KCTD8: variants seen among roughly 807,000 people sequenced by gnomAD.
The protein encoded by KCTD8 is BTB/POZ domain-containing protein KCTD8.
In KCTD8, 27 loss-of-function variants were observed where a neutral mutation model predicts 31.5. That is an observed-to-expected ratio of 0.86 (90% confidence interval 0.63 to 1.18). The LOEUF (loss-of-function observed/expected upper bound fraction) is 1.18. Ranked by LOEUF, KCTD8 falls within the 50% of genes most tolerant of loss-of-function variation. The pLI, the probability that KCTD8 is intolerant of heterozygous loss-of-function variation, is 0.00. For synonymous variants in KCTD8, 290 were observed against 280.0 expected, an observed-to-expected ratio of 1.04 and a Z score of -0.36; for missense variants, 658 against 647.7, an observed-to-expected ratio of 1.02 and a Z score of -0.17.
intron 1 of KCTD8, among the ~76,000 whole-genome samples, chr4:44,231,740 T>C (rs1052126996): frequency 6.6e-6 from 1 of 152,166 alleles, no homozygotes. Context: ...CAAGCTCCTA[T>C]GAAGAAATTT....
chr4:44,304,868 G>T (rs1171049798), intron 1 of KCTD8, among the ~76,000 whole-genome samples: 1 of 151,852 alleles, frequency 6.6e-6, no homozygotes, highest in Non-Finnish European at 1.5e-5. Flanking sequence ...CCTGCCTGCA[G>T]TCCTAGCAGG....
intron 1 of KCTD8, among the ~76,000 whole-genome samples, chr4:44,426,198 T>C (rs1577667266): frequency 6.6e-6 from 1 of 150,560 alleles, no homozygotes; most frequent in South Asian, 2.1e-4. Context: ...AGAAAAAGGG[T>C]TAGAAAAAAA....
Position 44,174,542 on chromosome 4 carries a change from T to C in KCTD8, c.*248A>G. 2.7e-6 allele frequency: 1 copy of C among 370,208 alleles called. No homozygotes were observed. The highest frequency in any genetic ancestry group is 7.9e-5 in the South Asian group (1 of 12,598). The allele number at this position is 370,208 out of a possible 1,614,324, so 22.9% of individuals were successfully genotyped here. ...ATCATGCACATTTTACTTTCATTCT[T>C]GTAAAATGGTTTGAATCAGATATTC... On this transcript the variant is annotated 3_prime_UTR_variant, in exon 2 of 2. Coordinates refer to ENST00000360029, the MANE Select transcript of KCTD8 (RefSeq NM_198353.3).
chr4:44,405,913 G>A (rs1336912425), intron 1 of KCTD8, among the ~76,000 whole-genome samples: 2 of 151,626 alleles, frequency 1.3e-5, no homozygotes, highest in African/African-American at 4.9e-5. Context: ...TTAGTTTCAG[G>A]GAACTAACAA....
chr4:44,382,049 C>G (rs1720078675), intron 1 of KCTD8, among the ~76,000 whole-genome samples: 1 of 151,626 alleles, frequency 6.6e-6, no homozygotes, highest in Non-Finnish European at 1.5e-5. Flanking sequence ...ATATAGGTAC[C>G]CCGAACAGGA....
At chr4:44,355,675 C>T (rs527789894) in intron 1 of KCTD8, among the ~76,000 whole-genome samples, 1 of 152,038 alleles carries the variant, frequency 6.6e-6, no homozygotes, top group Non-Finnish European at 1.5e-5. Flanking sequence ...TTCTGTGTAG[C>T]GTATTTAGAT....
intron 1 of KCTD8, among the ~76,000 whole-genome samples, chr4:44,412,450 T>C (rs1285443432): frequency 1.3e-5 from 2 of 152,192 alleles, no homozygotes; most frequent in East Asian, 3.8e-4. Flanking sequence ...AAGAATAGTT[T>C]GTTGGAATAT....
At chr4:44,276,532 A>G (rs561073478) in intron 1 of KCTD8, among the ~76,000 whole-genome samples, 8 of 152,054 alleles carry the variant, frequency 5.3e-5, no homozygotes, top group Admixed American at 1.3e-4. Context: ...TTTAGTCTAA[A>G]CAGTAGATTC....
intron 1 of KCTD8, among the ~76,000 whole-genome samples, chr4:44,290,642 T>C (rs1442578789): frequency 6.6e-6 from 1 of 151,916 alleles, no homozygotes; most frequent in Non-Finnish European, 1.5e-5. Context: ...AAAATAGAAA[T>C]CTATACCAAG....
chr4:44,295,499 A>C (rs1001752540), intron 1 of KCTD8, among the ~76,000 whole-genome samples: 1 of 148,016 alleles, frequency 6.8e-6, no homozygotes, highest in African/African-American at 2.5e-5. Context: ...GAGGGAAAGC[A>C]AAGAAAAAAA....
intron 1 of KCTD8, among the ~76,000 whole-genome samples, chr4:44,442,869 T>C (rs1721849047): frequency 6.6e-6 from 1 of 151,940 alleles, no homozygotes; most frequent in Admixed American, 6.6e-5. Flanking sequence ...AGCCACTCAG[T>C]TTTTCAGCTT....
At chr4:44,445,430 T>A (rs1442277480) in intron 1 of KCTD8, among the ~76,000 whole-genome samples, 1 of 152,178 alleles carries the variant, frequency 6.6e-6, no homozygotes, top group African/African-American at 2.4e-5. Flanking sequence ...ATTAATAATA[T>A]GAGTACTCTG....
intron 1 of KCTD8, among the ~76,000 whole-genome samples, chr4:44,376,935 C>T (rs1719928550): frequency 6.6e-6 from 1 of 152,142 alleles, no homozygotes; most frequent in Non-Finnish European, 1.5e-5. Context: ...TGGTTGAGTA[C>T]ATGGGATGAC....
intron 1 of KCTD8, among the ~76,000 whole-genome samples, chr4:44,287,878 T>C (rs1717148411): frequency 6.6e-6 from 1 of 152,204 alleles, no homozygotes; most frequent in South Asian, 2.1e-4. Context: ...TGTTTCTGCA[T>C]TCATTCAAGG....
intron 1 of KCTD8, among the ~76,000 whole-genome samples, chr4:44,235,989 A>G (rs1026203739): frequency 1.3e-5 from 2 of 152,102 alleles, no homozygotes; most frequent in South Asian, 4.1e-4. Flanking sequence ...GAGATGATGA[A>G]ACACTACAAG....
chr4:44,265,913 C>A (rs1008215998), intron 1 of KCTD8, among the ~76,000 whole-genome samples: 22 of 152,262 alleles, frequency 1.4e-4, no homozygotes, highest in African/African-American at 4.8e-4. Flanking sequence ...AAATCTACAT[C>A]TGATTGGTGT....
chr4:44,244,846 G>T (rs1715604729), intron 1 of KCTD8, among the ~76,000 whole-genome samples: 2 of 80,148 alleles, frequency 2.5e-5, no homozygotes, highest in Non-Finnish European at 5.4e-5. Context: ...CCCTGTAGTT[G>T]TGGGGGGGGG....
At chr4:44,436,464 C>T (rs1441553288) in intron 1 of KCTD8, among the ~76,000 whole-genome samples, 1 of 151,806 alleles carries the variant, frequency 6.6e-6, no homozygotes, top group Non-Finnish European at 1.5e-5. Context: ...ATTTATAGTC[C>T]TGAGCTTTAT....
intron 1 of KCTD8, among the ~76,000 whole-genome samples, chr4:44,298,893 G>C (rs1005484256): frequency 6.6e-6 from 1 of 152,056 alleles, no homozygotes; most frequent in Non-Finnish European, 1.5e-5. Context: ...TTTGAAAAAA[G>C]CTATTCACAT....
Sources: gnomAD v4.1 joint callset for allele counts (sites outside exome capture counted in the v4.1 genomes callset) on GRCh38, gnomAD v4.1.1 for gene constraint, MANE v1.5 for transcripts, NCBI Gene and HGNC (gene_info 2026-07-23, HGNC 2026-07-21) for gene names.